Variants in NLRP5 observed in about 807,000 individuals in gnomAD.
The protein encoded by NLRP5 is NACHT, LRR and PYD domains-containing protein 5.
NLRP5 carries 93 observed loss-of-function variants against 113.1 expected under a neutral mutation model. That is an observed-to-expected ratio of 0.82 (90% CI 0.70 to 0.98). NLRP5 has a LOEUF of 0.98. Ranked by LOEUF, NLRP5 falls within the 50% of genes least tolerant of loss-of-function variation. NLRP5 has a pLI of 0.00. For missense variants in NLRP5, 1,808 were observed against 1,514.3 expected, an observed-to-expected ratio of 1.19 and a Z score of -3.22; for synonymous variants, 751 against 600.7, an observed-to-expected ratio of 1.25 and a Z score of -3.66.
At chr19:55,989,746 G>A in the NLRP5 span, among the ~76,000 whole-genome samples, 1 of 152,298 alleles carries the variant, frequency 6.6e-6, no homozygotes, top group East Asian at 1.9e-4. Context: ...TAAGGATGCA[G>A]GGCACGTTGG....
intron 1 of NLRP5, among the ~76,000 whole-genome samples, chr19:56,003,318 A>AT (rs1264655390): frequency 2.0e-5 from 3 of 151,946 alleles, no homozygotes; most frequent in Admixed American, 6.6e-5. Flanking sequence ...CTCCTGGCTA[A>AT]TTTTTTTATA....
chr19:56,021,043 T>C (rs145095064), intron 6 of NLRP5, among the ~76,000 whole-genome samples: 1 of 152,032 alleles, frequency 6.6e-6, no homozygotes, highest in African/African-American at 2.4e-5. Context: ...GACTAATTTT[T>C]GTATTTTTAG....
intron 2 of NLRP5, among the ~76,000 whole-genome samples, chr19:56,004,418 T>C (rs892278706): frequency 6.6e-6 from 1 of 152,180 alleles, no homozygotes; most frequent in African/African-American, 2.4e-5. Flanking sequence ...GCATGTCTCC[T>C]TCTGTTCTGA....
chr19:56,053,345 G>T (rs980866546), intron 12 of NLRP5, among the ~76,000 whole-genome samples: 1 of 151,818 alleles, frequency 6.6e-6, no homozygotes, highest in Non-Finnish European at 1.5e-5. Flanking sequence ...GCAGTGAGCC[G>T]AGATCACACC....
At chr19:56,047,103 A>G (rs1049201291) in intron 11 of NLRP5, among the ~76,000 whole-genome samples, 28 of 152,010 alleles carry the variant, frequency 1.8e-4, no homozygotes, top group African/African-American at 6.5e-4. Context: ...CTCCTGTTCC[A>G]TTTCTCAGTG....
At chr19:56,020,696 A>C (rs181699713) in intron 6 of NLRP5, among the ~76,000 whole-genome samples, 1 of 148,380 alleles carries the variant, frequency 6.7e-6, no homozygotes, top group African/African-American at 2.5e-5. Flanking sequence ...ATCAATCACA[A>C]CTTTGTTTGA....
chr19:55,993,092 A>T, the NLRP5 span, among the ~76,000 whole-genome samples: 6 of 149,266 alleles, frequency 4.0e-5, no homozygotes, highest in South Asian at 6.3e-4. Context: ...CAGGTGATCC[A>T]CCCACCTCGG....
chr19:56,040,038 C>T (rs1042404079), intron 10 of NLRP5, among the ~76,000 whole-genome samples: 2 of 152,132 alleles, frequency 1.3e-5, no homozygotes, highest in African/African-American at 2.4e-5. Context: ...GCAGCCTCTA[C>T]CTCCCAGGCT....
chr19:56,028,991 C>T (rs1364185142), intron 7 of NLRP5, among the ~76,000 whole-genome samples: 2 of 152,140 alleles, frequency 1.3e-5, no homozygotes, highest in African/African-American at 4.8e-5. Flanking sequence ...TCTCGAACTC[C>T]TGACCTCAGG....
rs1274026077 is a variant in NLRP5, at chr19:56,004,030, C to G, written c.377C>G (p.Ser126Cys). Residue 126 changes from serine (S) to cysteine (C), a missense_variant, in exon 2 of 15, where the codon TCC (serine) becomes TGC (cysteine). By Grantham distance (112) the Ser-to-Cys change is moderately radical. Coordinates refer to ENST00000390649, the MANE Select transcript of NLRP5 (RefSeq NM_153447.4). ...GGAGCATCGCTGGCCTGGGCTACGT[C>G]CATTAGCATCTTTGAAAACATGAAC... The G allele has an allele frequency of 6.2e-7, 1 of 1,613,678 alleles. No individual in the cohort carries two copies. The highest frequency in any genetic ancestry group is 8.5e-7 in the Non-Finnish European group (1 of 1,179,774).
the NLRP5 span, chr19:55,988,031 C>A: frequency 2.8e-6 from 2 of 716,560 alleles, no homozygotes; most frequent in Admixed American, 4.2e-5. Flanking sequence ...ACAGAGCAAC[C>A]CAGTCAACAC....
At chr19:56,055,835 G>A (rs559887722) in intron 13 of NLRP5, among the ~76,000 whole-genome samples, 173 of 152,148 alleles carry the variant, frequency 1.1e-3, no homozygotes, top group Middle Eastern at 0.01. Flanking sequence ...ATAAGCCACC[G>A]CGCCTGGCCT....
intron 10 of NLRP5, among the ~76,000 whole-genome samples, chr19:56,038,923 G>A (rs572303953): frequency 2.1e-4 from 32 of 152,240 alleles, no homozygotes; most frequent in African/African-American, 5.3e-4. Context: ...TGATCCTCCC[G>A]TCTTGGCCTC....
upstream of NLRP5, among the ~76,000 whole-genome samples, chr19:55,994,761 C>T (rs766185487): frequency 2.8e-4 from 42 of 152,142 alleles, no homozygotes; most frequent in Non-Finnish European, 5.7e-4. Flanking sequence ...GGATGTACTC[C>T]TATTGGTCTA....
intron 14 of NLRP5, among the ~76,000 whole-genome samples, chr19:56,060,858 C>A (rs568808222): frequency 6.6e-6 from 1 of 152,254 alleles, no homozygotes; most frequent in South Asian, 2.1e-4. Flanking sequence ...CCCTATATTG[C>A]AGGTCAACTC....
At chr19:55,993,304 A>G in the NLRP5 span, among the ~76,000 whole-genome samples, 87,421 of 146,762 alleles carry the variant, frequency 0.6, 26,686 homozygotes, top group Non-Finnish European at 0.66. Flanking sequence ...ATTCACCTGC[A>G]GTGCTGCAGA....
At chr19:56,015,666 T>C in intron 3 of NLRP5, 76 bp from the exon 4 acceptor site, 1 of 1,227,836 alleles carries the variant, frequency 8.1e-7, no homozygotes, top group Middle Eastern at 2.1e-4. Flanking sequence ...TAAGTTTATC[T>C]GGGGTGTCCA....
chr19:56,046,429 TTACGTCCTTCCCTG>T (rs1983728555), intron 11 of NLRP5, among the ~76,000 whole-genome samples: 1 of 151,926 alleles, frequency 6.6e-6, no homozygotes, highest in Non-Finnish European at 1.5e-5. Flanking sequence ...TGTGTTTCTG[TTACGTCCTTCCCTG>T]GTGTTGGTAT....
At chr19:55,989,004 A>G in the NLRP5 span, among the ~76,000 whole-genome samples, 11 of 152,206 alleles carry the variant, frequency 7.2e-5, no homozygotes, top group Admixed American at 7.2e-4. Flanking sequence ...ATTTACCAAT[A>G]GTCAATATTG....
Sources: allele counts gnomAD v4.1 joint callset (sites outside exome capture counted in the v4.1 genomes callset), GRCh38; gene constraint gnomAD v4.1.1; transcripts MANE v1.5; gene names NCBI Gene and HGNC (gene_info 2026-07-23, HGNC 2026-07-21).